The following ADAMTS13 variants were observed in gnomAD, a reference collection of about 807,000 sequenced individuals.
The protein encoded by ADAMTS13 is ADAM metallopeptidase with thrombospondin type 1 motif 13, also known as A disintegrin and metalloproteinase with thrombospondin motifs 13.
A neutral mutation model predicts 155.1 loss-of-function variants in ADAMTS13; 110 were observed. That is an observed-to-expected ratio of 0.71 (90% CI 0.61 to 0.83). The LOEUF (loss-of-function observed/expected upper bound fraction) is 0.83. Ranked by LOEUF, ADAMTS13 falls within the 40% of genes least tolerant of loss-of-function variation. ADAMTS13 has a pLI of 0.00. For synonymous variants in ADAMTS13, 758 were observed against 756.4 expected, an observed-to-expected ratio of 1.00 and a Z score of -0.03; for missense variants, 1,707 against 1,891.7, an observed-to-expected ratio of 0.90 and a Z score of 1.81.
At chr9:133,437,058 G>A (rs1841293888) in intron 12 of ADAMTS13, 103 bp downstream of exon 12, 20 of 1,434,482 alleles carry the variant, frequency 1.4e-5, no homozygotes, top group Non-Finnish European at 1.9e-5. Context: ...CCAGCACTGG[G>A]CAAAGTGGTT....
rs146779903 is a variant in ADAMTS13 at position 133,438,314 on chromosome 9, C to T, written c.1653C>T (p.Asp551=). The change falls in exon 14 of 29, where the codon GAC becomes GAT. Residue 551 remains aspartate, a synonymous_variant. Coordinates refer to ENST00000355699, the MANE Select transcript of ADAMTS13 (RefSeq NM_139027.6). Reference sequence around the variant, plus strand: ...ACAGGTGCCAGGTGTGTGGTGGGGACAACAGCACGTGCAGCCCACGGAAGG... The same window carrying T: ...ACAGGTGCCAGGTGTGTGGTGGGGATAACAGCACGTGCAGCCCACGGAAGG... ...VWDRCQVCGG[D]NSTCSPRKGS... 1.2e-6 allele frequency: 2 copies of T among 1,613,972 alleles called. No individual in the cohort carries two copies. Among genetic ancestry groups the T allele is most frequent in the African/African-American group, 2.7e-5 (2 of 74,892 alleles).
At chr9:133,458,603 C>G (rs1842898800) in intron 28 of ADAMTS13, among the ~76,000 whole-genome samples, 1 of 142,132 alleles carries the variant, frequency 7.0e-6, no homozygotes, top group South Asian at 2.4e-4. Context: ...TGGTAAAGAC[C>G]TTTCTGATGT....
Position 133,440,242 on chromosome 9 carries a change from A to G in ADAMTS13, c.1787-102A>G. On this transcript the variant is annotated intron_variant, in intron 15 of 28. Coordinates refer to ENST00000355699, the MANE Select transcript of ADAMTS13 (RefSeq NM_139027.6). The surrounding 1 kb of genome is among the most constrained non-coding windows in gnomAD (Gnocchi z 4.3). The stretch of plus-strand genomic sequence containing the variant: ...CTAGCTCAGATGCCTGTGGCTCCTT[A>G]GAGGAGGGCTGGGGACCCCGGGAAG... 6.8e-7 allele frequency: 1 copy of G among 1,468,574 alleles called. No homozygotes were observed. Among genetic ancestry groups the G allele is most frequent in the Non-Finnish European group, 9.4e-7 (1 of 1,059,384 alleles). The allele number at this position is 1,468,574 out of a possible 1,614,324, so 91.0% of individuals were successfully genotyped here. A position where few individuals can be genotyped will look rare whatever the true frequency, so the allele number is the denominator to read the frequency against.
At chr9:133,422,617 C>A in intron 1 of ADAMTS13, 69 bp downstream of exon 1, 1 of 1,514,962 alleles carries the variant, frequency 6.6e-7, no homozygotes. Flanking sequence ...CTACCTGGGG[C>A]GAGGGGAGTG....
chr9:133,440,259 C>T lies in ADAMTS13; in HGVS notation c.1787-85C>T. The T allele has an allele frequency of 3.2e-6, 5 of 1,575,616 alleles. No individual in the cohort carries two copies. The highest frequency in any genetic ancestry group is 3.5e-6 in the Non-Finnish European group (4 of 1,152,118). The stretch of plus-strand genomic sequence containing the variant: ...GGCTCCTTAGAGGAGGGCTGGGGAC[C>T]CCGGGAAGGAGAGTCACTGACATGT... On this transcript the variant is annotated intron_variant, in intron 15 of 28. Transcript: ENST00000355699. This position sits in a 1 kb window ranked among gnomAD's most constrained non-coding sequence, Gnocchi z 4.3.
intron 14 of ADAMTS13, 100 bp from the exon 15 acceptor site, chr9:133,439,266 G>A (rs1841483085): frequency 6.5e-6 from 6 of 929,148 alleles, no homozygotes; most frequent in Non-Finnish European, 1.1e-5. Flanking sequence ...CAGCCCCATG[G>A]CATTGTTCAA....
intron 7 of ADAMTS13, among the ~76,000 whole-genome samples, 200 bp downstream of exon 7, chr9:133,428,971 C>A (rs1167321686): frequency 7.0e-6 from 1 of 143,296 alleles, no homozygotes; most frequent in Non-Finnish European, 1.5e-5. Flanking sequence ...CTCCAGCCAG[C>A]CCGCTGGGCC....
rs371039159 is a variant in ADAMTS13, at chr9:133,455,273, C to T, written c.3250-12C>T. ...AGGGTCAGCTGTGACTCCTCCTCCC[C>T]TCTCTTGGCAGTGCTCTGTTTCCTG... On this transcript the variant is annotated splice_polypyrimidine_tract_variant and intron_variant, in intron 24 of 28. Transcript: ENST00000355699. The T allele has an allele frequency of 5.6e-5, 90 of 1,600,650 alleles. No homozygotes were observed. The highest frequency in any genetic ancestry group is 5.0e-5 in the Admixed American group (3 of 60,006).
chr9:133,454,392 T>C lies in ADAMTS13; in HGVS notation c.3045-23T>C, dbSNP rs36222577. 81 of 1,613,340 alleles carry C rather than the reference T, an allele frequency of 5.0e-5. No individual in the cohort carries two copies. The African/African-American group carries it at 1.0e-3, about 20-fold the overall frequency. ...TGTCTCTGGGGAGACCTAGCCTCTC[T>C]CTGGGGTCTTCTCTTCCTGCAGGTG... On this transcript the variant is annotated intron_variant, in intron 23 of 28. Coordinates refer to ENST00000355699, the MANE Select transcript of ADAMTS13 (RefSeq NM_139027.6).
At chr9:133,436,679 A>C (rs1196188342) in intron 11 of ADAMTS13, 150 bp from the exon 12 acceptor site, 2 of 782,570 alleles carry the variant, frequency 2.6e-6, no homozygotes, top group Non-Finnish European at 4.2e-6. Context: ...TTGTCACCCC[A>C]GTTTACAGAG....
chr9:133,452,255 G>A (rs1842481749), intron 23 of ADAMTS13, among the ~76,000 whole-genome samples: 1 of 152,022 alleles, frequency 6.6e-6, no homozygotes, highest in Non-Finnish European at 1.5e-5. Flanking sequence ...TGGGATTACA[G>A]GTGCCCGCCA....
intron 6 of ADAMTS13, 120 bp from the exon 7 acceptor site, chr9:133,428,514 A>G (rs1181964830): frequency 1.8e-6 from 1 of 570,226 alleles, no homozygotes. Context: ...CGGGTCGGAA[A>G]ACTCGCTGGC....
chr9:133,430,951 C>T (rs587695218), intron 8 of ADAMTS13, among the ~76,000 whole-genome samples: 3 of 149,306 alleles, frequency 2.0e-5, no homozygotes, highest in African/African-American at 7.2e-5. Flanking sequence ...TGAGCCACAG[C>T]GCCCCGCCAA....
In ADAMTS13 at chr9:133,433,398, C is replaced by T; in HGVS notation, c.1113C>T (p.Cys371=). The T allele has an allele frequency of 6.2e-7, 1 of 1,612,984 alleles. No individual in the cohort carries two copies. Among genetic ancestry groups the T allele is most frequent in the Non-Finnish European group, 8.5e-7 (1 of 1,179,924 alleles). Residue 371 remains cysteine, a synonymous_variant, in exon 10 of 29, where the codon TGC becomes TGT. Coordinates refer to ENST00000355699, the MANE Select transcript of ADAMTS13 (RefSeq NM_139027.6). ...TGCAGTGGTGCTCCAAGGGTCGCTGCCGCTCCCTGGTGGAGCTGACCCCCA... is the reference window on the plus strand; with the variant it reads ...TGCAGTGGTGCTCCAAGGGTCGCTGTCGCTCCCTGGTGGAGCTGACCCCCA... ...GVEKWCSKGR[C]RSLVELTPIA... is the part of the protein sequence containing the mutation.
At chr9:133,414,667 G>A (rs782156715) in intron 1 of ADAMTS13, 41 of 1,613,552 alleles carry the variant, frequency 2.5e-5, no homozygotes, top group East Asian at 8.9e-5. Flanking sequence ...ATACTTACTC[G>A]GTGGGTGGGG....
chr9:133,445,825 G>T lies in ADAMTS13; in HGVS notation c.2731+6G>T. 6.4e-7 allele frequency: 1 copy of T among 1,573,486 alleles called. No homozygotes were observed. The highest frequency in any genetic ancestry group is 8.7e-7 in the Non-Finnish European group (1 of 1,153,124). ...CTCCGTCTCCTGCGGGCGAGGTGAG[G>T]GCCCCCGGGATGCTCCTGGGGACCA... On this transcript the variant is annotated splice_donor_region_variant and intron_variant, in intron 21 of 28. Coordinates refer to ENST00000355699, the MANE Select transcript of ADAMTS13 (RefSeq NM_139027.6). This position sits in a 1 kb window ranked among gnomAD's most constrained non-coding sequence, Gnocchi z 5.0.
In ADAMTS13 at chr9:133,440,478, G is replaced by C; in HGVS notation, c.1921G>C (p.Glu641Gln). The C allele has an allele frequency of 6.2e-7, 1 of 1,613,022 alleles. No individual in the cohort carries two copies. Among genetic ancestry groups the C allele is most frequent in the East Asian group, 2.2e-5 (1 of 44,846 alleles). ...ALTEDRLPRL[E>Q]EIRIWGPLQE... ...CACCGAGGACCGGCTGCCCCGCCTG[G>C]AGGAGATCCGCATCTGGGGACCCCT... The change falls in exon 16 of 29, where the codon GAG becomes CAG. Residue 641 changes from glutamate (E) to glutamine (Q), a missense_variant. By Grantham distance (29) the Glu-to-Gln change is conservative (BLOSUM62 2). Coordinates refer to ENST00000355699, the MANE Select transcript of ADAMTS13 (RefSeq NM_139027.6). This position sits in a 1 kb window ranked among gnomAD's most constrained non-coding sequence, Gnocchi z 4.3.
intron 28 of ADAMTS13, among the ~76,000 whole-genome samples, chr9:133,458,442 G>A: frequency 6.6e-6 from 1 of 151,554 alleles, no homozygotes; most frequent in Non-Finnish European, 1.5e-5. Context: ...TGTAATCCCA[G>A]CTACTTGGGA....
chr9:133,449,132 G>A (rs1412082661), intron 22 of ADAMTS13, among the ~76,000 whole-genome samples: 1 of 152,184 alleles, frequency 6.6e-6, no homozygotes, highest in Non-Finnish European at 1.5e-5. Flanking sequence ...CATGCTAAAT[G>A]CAATGAGTGT....
Sources: gnomAD v4.1 joint callset for allele counts (sites outside exome capture counted in the v4.1 genomes callset) on GRCh38, gnomAD v4.1.1 for gene constraint, Gnocchi (gnomAD v3.1) non-coding constraint, MANE v1.5 for transcripts, NCBI Gene and HGNC (gene_info 2026-07-23, HGNC 2026-07-21) for gene names.